Variants in RAPGEF4 observed in about 807,000 individuals in gnomAD.
RAPGEF4 encodes RAP guanine-nucleotide-exchange factor (GEF) 4.
RAPGEF4 carries 66 observed loss-of-function variants against 147.9 expected under a neutral mutation model. That is an observed-to-expected ratio of 0.45 (90% CI 0.37 to 0.55). The LOEUF (loss-of-function observed/expected upper bound fraction) is 0.55, where lower values mean the gene tolerates loss of function less well. RAPGEF4 is among the 20% of genes least tolerant of loss of function. The pLI is 0.00. For missense variants in RAPGEF4, 1,071 were observed against 1,257.3 expected (o/e 0.85, Z 2.24); for synonymous variants, 419 against 442.7 (o/e 0.95, Z 0.67).
chr2:172,974,429 G>A (rs181570098), intron 10 of RAPGEF4, among the ~76,000 whole-genome samples: 228 of 152,190 alleles, frequency 1.5e-3, no homozygotes, highest in African/African-American at 5.1e-3. Flanking sequence ...CATACCTATA[G>A]TACTAACACT....
rs367630604 is a variant in RAPGEF4 at position 172,876,644 on chromosome 2, G to A, written c.445-41158G>A. Among the ~76,000 whole-genome samples the A allele has an allele frequency of 7.9e-5, 12 of 152,158 alleles. 1 individual carries two copies. The highest frequency in any genetic ancestry group is 5.9e-4 in the Admixed American group (9 of 15,282). ...AGCTTTTTGATGTGCTGCTGGATTC[G>A]GTTTGCCAGTATTTTATTGAGGATT... On this transcript the variant is annotated intron_variant, in intron 4 of 30. Transcript: ENST00000397081.
intron 4 of RAPGEF4, among the ~76,000 whole-genome samples, chr2:172,834,773 T>C (rs1013870959): frequency 6.6e-6 from 1 of 152,216 alleles, no homozygotes; most frequent in Non-Finnish European, 1.5e-5. Context: ...AGATTGGGTT[T>C]CAATAAAGGG....
chr2:173,017,560 T>C (rs1695623275), intron 21 of RAPGEF4, 56 bp downstream of exon 21: 1 of 1,512,414 alleles, frequency 6.6e-7, no homozygotes. Flanking sequence ...GTCAGGATAA[T>C]GGTAAGCATC....
intron 6 of RAPGEF4, among the ~76,000 whole-genome samples, chr2:172,942,079 G>A (rs1687215390): frequency 6.6e-6 from 1 of 151,618 alleles, no homozygotes; most frequent in African/African-American, 2.4e-5. Flanking sequence ...TTTGATGTAT[G>A]TATACAATGT....
At chr2:172,944,213 G>T (rs1165166254) in intron 6 of RAPGEF4, among the ~76,000 whole-genome samples, 1 of 152,130 alleles carries the variant, frequency 6.6e-6, no homozygotes, top group Non-Finnish European at 1.5e-5. Context: ...CCTGGGAGGA[G>T]CCTCACTGTA....
At chr2:172,786,569 A>G (rs1325776989) in intron 1 of RAPGEF4, among the ~76,000 whole-genome samples, 2 of 152,212 alleles carry the variant, frequency 1.3e-5, no homozygotes, top group South Asian at 2.1e-4. Flanking sequence ...TCCTGAAGGA[A>G]AAAAGAATGG....
chr2:172,872,376 A>G (rs1203001807), intron 4 of RAPGEF4, among the ~76,000 whole-genome samples: 2 of 152,204 alleles, frequency 1.3e-5, no homozygotes, highest in Admixed American at 6.5e-5. Context: ...AGGATAAGGC[A>G]TCCTTCAATC....
At chr2:173,020,567 G>C in intron 22 of RAPGEF4, 51 bp from the exon 23 acceptor site, 1 of 1,442,376 alleles carries the variant, frequency 6.9e-7, no homozygotes, top group Non-Finnish European at 9.8e-7. Context: ...GGGCAGTGCA[G>C]CAAATCTCAG....
At chr2:172,996,345 T>G in intron 15 of RAPGEF4, 121 bp from the exon 16 acceptor site, 1 of 537,912 alleles carries the variant, frequency 1.9e-6, no homozygotes, top group East Asian at 3.5e-5. Flanking sequence ...TCTCTTACCA[T>G]GAAAGGTATA....
intron 4 of RAPGEF4, among the ~76,000 whole-genome samples, chr2:172,865,806 G>A (rs1160244994): frequency 5.9e-5 from 9 of 152,096 alleles, no homozygotes; most frequent in Non-Finnish European, 1.3e-4. Flanking sequence ...TGAAGGGAGG[G>A]AGGCATTGCA....
At position 172,897,552 on chromosome 2, in the gene RAPGEF4, C is replaced by G. The variant is rs1698610150; in HGVS notation, c.445-20250C>G. On this transcript the variant is annotated intron_variant, in intron 4 of 30. Coordinates refer to ENST00000397081, the MANE Select transcript of RAPGEF4 (RefSeq NM_007023.4). ...TAGCTAGGACTACAGGCATATGCCA[C>G]CATACCTGACTAATTTTTTAATTTT... Among the ~76,000 whole-genome samples the G allele has an allele frequency of 2.6e-5, 4 of 151,874 alleles. No homozygotes were observed. In the South Asian group the frequency reaches 8.3e-4, roughly 32 times the overall value.
chr2:172,937,406 A>G (rs532350748), intron 6 of RAPGEF4, among the ~76,000 whole-genome samples: 183 of 152,250 alleles, frequency 1.2e-3, no homozygotes, highest in African/African-American at 4.3e-3. Flanking sequence ...TTTAAGGGAT[A>G]TAGGTCGGGT....
intron 4 of RAPGEF4, among the ~76,000 whole-genome samples, chr2:172,861,103 T>G (rs533184314): frequency 1.3e-5 from 2 of 152,258 alleles, no homozygotes; most frequent in East Asian, 3.9e-4. Flanking sequence ...CTCTGAGATA[T>G]CCTACATTTC....
intron 1 of RAPGEF4, among the ~76,000 whole-genome samples, chr2:172,771,817 A>G (rs1285973218): frequency 6.6e-6 from 1 of 152,182 alleles, no homozygotes; most frequent in Admixed American, 6.5e-5. Context: ...AAACAATGAT[A>G]TGAAGTGGTT....
At chr2:172,992,634 T>C (rs546765324) in intron 15 of RAPGEF4, among the ~76,000 whole-genome samples, 1 of 152,328 alleles carries the variant, frequency 6.6e-6, no homozygotes, top group Admixed American at 6.5e-5. Flanking sequence ...ATAGGTTTCT[T>C]ATGAAATCAA....
In RAPGEF4 at chr2:173,051,753, C is replaced by G; in HGVS notation, c.3022C>G (p.Pro1008Ala). The G allele has an allele frequency of 6.2e-7, 1 of 1,613,842 alleles. No individual in the cohort carries two copies. Among genetic ancestry groups the G allele is most frequent in the Non-Finnish European group, 8.5e-7 (1 of 1,179,828 alleles). The change falls in exon 31 of 31, where the codon CCT becomes GCT. Residue 1008 changes from proline to alanine, a missense_variant. By Grantham distance (27) the Pro-to-Ala change is conservative. Transcript: ENST00000397081. Reference sequence around the variant, plus strand: ...ATCACAGATGTCACACAGATTAGAGCCTCGTCGACCATAGACATTTCAAAT... The same window carrying G: ...ATCACAGATGTCACACAGATTAGAGGCTCGTCGACCATAGACATTTCAAAT... Reference protein sequence around the residue: ...TLSQMSHRLEPRRP With the variant: ...TLSQMSHRLEARRP
Position 172,941,477 on chromosome 2 carries a change from G to T in RAPGEF4, c.537+19177G>T, listed in dbSNP as rs908539466. 6.6e-5 allele frequency among the ~76,000 whole-genome samples: 10 copies of T among 152,150 alleles called. No homozygotes were observed. The East Asian group carries it at 1.2e-3, about 18-fold the overall frequency. On this transcript the variant is annotated intron_variant, in intron 6 of 30. Transcript: ENST00000397081. ...TAAAGATGAAAAATATTCACTTCAC[G>T]AAGTTATTGTGAAAAATAAATAGCA...
At chr2:172,979,309 T>A (rs1355841319) in intron 10 of RAPGEF4, among the ~76,000 whole-genome samples, 2 of 152,144 alleles carry the variant, frequency 1.3e-5, no homozygotes, top group African/African-American at 2.4e-5. Flanking sequence ...ACCACTGCCA[T>A]CTCCCTTGGG....
intron 1 of RAPGEF4, among the ~76,000 whole-genome samples, chr2:172,773,151 G>A (rs1034745347): frequency 7.2e-5 from 11 of 152,000 alleles, no homozygotes; most frequent in African/African-American, 2.4e-4. Flanking sequence ...ATAAGTATCT[G>A]AAAAATCCAG....
Sources: gnomAD v4.1 joint callset for allele counts (sites outside exome capture counted in the v4.1 genomes callset) on GRCh38, gnomAD v4.1.1 for gene constraint, MANE v1.5 for transcripts, NCBI Gene and HGNC (gene_info 2026-07-23, HGNC 2026-07-21) for gene names.